NPAS3: variants seen among roughly 807,000 people sequenced by gnomAD.
NPAS3 encodes the protein neuronal PAS domain protein 3.
Under a neutral mutation model 73.1 loss-of-function variants are expected in NPAS3, and 14 were observed. The observed-to-expected ratio is 0.19, with a 90% CI of 0.13 to 0.30. NPAS3 has a LOEUF of 0.30. Among genes scored for constraint, NPAS3 ranks in the 10% least tolerant of loss-of-function variants. The probability of loss-of-function intolerance (pLI) is 1.00; values close to 1 mark genes in which losing one functional copy is unlikely to be tolerated. For synonymous variants in NPAS3, 620 were observed against 541.5 expected (o/e 1.14, Z -2.01); for missense variants, 1,096 against 1,250.0 (o/e 0.88, Z 1.86).
rs375602397 is a variant in NPAS3 at position 33,349,057 on chromosome 14, A to G, written c.386-18129A>G. ...AGGAACCAAACGAGTACAAAAGCTC[A>G]TGGGGGAGTTCTGTTGAGGACGGAG... On this transcript the variant is annotated intron_variant, in intron 3 of 11. Transcript: ENST00000356141. Among the ~76,000 whole-genome samples, 16 of 152,156 alleles carry G rather than the reference A, an allele frequency of 1.1e-4. 1 individual carries two copies. Among genetic ancestry groups the G allele is most frequent in the East Asian group, 7.7e-4 (4 of 5,172 alleles).
chr14:33,485,719 C>G lies in NPAS3; in HGVS notation c.469-74402C>G, dbSNP rs550801656. Among the ~76,000 whole-genome samples, 16 of 152,278 alleles carry G rather than the reference C, an allele frequency of 1.1e-4. No homozygotes were observed. The South Asian group carries it at 3.3e-3, about 32-fold the overall frequency. On this transcript the variant is annotated intron_variant, in intron 4 of 11. Transcript: ENST00000356141. The stretch of plus-strand genomic sequence containing the variant: ...TTTGTCTCACAAAAATGGAAAACTA[C>G]AGAATGTCAGCCAAAAAACCATTCA...
chr14:33,282,461 G>A (rs548156365), intron 3 of NPAS3, among the ~76,000 whole-genome samples: 4 of 152,306 alleles, frequency 2.6e-5, no homozygotes, highest in Non-Finnish European at 4.4e-5. Flanking sequence ...TGAAATTAAG[G>A]GGAATGCAGC....
At chr14:32,952,443 C>T (rs2036520508) in intron 1 of NPAS3, among the ~76,000 whole-genome samples, 1 of 151,848 alleles carries the variant, frequency 6.6e-6, no homozygotes, top group Non-Finnish European at 1.5e-5. Flanking sequence ...TTAAAATGAG[C>T]CTATCAAAAC....
chr14:32,987,849 A>G (rs2038159853), intron 1 of NPAS3, among the ~76,000 whole-genome samples: 1 of 152,192 alleles, frequency 6.6e-6, no homozygotes, highest in South Asian at 2.1e-4. Flanking sequence ...AATTTGGAGC[A>G]TTTCCATGAA....
chr14:33,446,992 C>T (rs1242706498), intron 4 of NPAS3, among the ~76,000 whole-genome samples: 1 of 152,180 alleles, frequency 6.6e-6, no homozygotes. Context: ...TACCAAATAG[C>T]AATATGCACG....
intron 8 of NPAS3, among the ~76,000 whole-genome samples, chr14:33,777,166 G>A (rs2062846306): frequency 6.6e-6 from 1 of 152,176 alleles, no homozygotes; most frequent in African/African-American, 2.4e-5. Flanking sequence ...CAGTGAGGGA[G>A]GGTCTTTTAA....
intron 5 of NPAS3, among the ~76,000 whole-genome samples, chr14:33,644,206 T>C (rs1488207873): frequency 6.6e-6 from 1 of 152,232 alleles, no homozygotes; most frequent in Admixed American, 6.5e-5. Context: ...CCTTTTGCCA[T>C]TGAAAATGTG....
At chr14:33,455,534 A>C (rs2139430136) in intron 4 of NPAS3, among the ~76,000 whole-genome samples, 1 of 152,356 alleles carries the variant, frequency 6.6e-6, no homozygotes, top group Non-Finnish European at 1.5e-5. Flanking sequence ...CCCATGTTTG[A>C]GAAACTACCA....
intron 1 of NPAS3, among the ~76,000 whole-genome samples, chr14:33,027,320 T>C (rs1352931871): frequency 6.6e-6 from 1 of 152,188 alleles, no homozygotes; most frequent in Non-Finnish European, 1.5e-5. Context: ...AAAGACGTGC[T>C]TGGGCTCTGA....
At chr14:33,484,381 G>A (rs943593155) in intron 4 of NPAS3, among the ~76,000 whole-genome samples, 2 of 152,056 alleles carry the variant, frequency 1.3e-5, no homozygotes, top group South Asian at 2.1e-4. Context: ...GTCTTCCTTC[G>A]GAGCATTACT....
intron 3 of NPAS3, among the ~76,000 whole-genome samples, chr14:33,239,615 G>A (rs569222566): frequency 3.0e-4 from 45 of 151,848 alleles, no homozygotes; most frequent in African/African-American, 1.0e-3. Flanking sequence ...CATCTCTTGT[G>A]TGCAAAAAGA....
intron 4 of NPAS3, among the ~76,000 whole-genome samples, chr14:33,521,532 A>G (rs2053555154): frequency 6.8e-6 from 1 of 147,340 alleles, no homozygotes; most frequent in Admixed American, 6.8e-5. Context: ...AAAAAAAAAA[A>G]GGCACATTAG....
At chr14:33,661,193 G>C (rs937279926) in intron 5 of NPAS3, among the ~76,000 whole-genome samples, 3 of 151,360 alleles carry the variant, frequency 2.0e-5, no homozygotes, top group Admixed American at 2.0e-4. Flanking sequence ...ACAGCTAATA[G>C]AAGAAGCTGA....
rs1017137044 is a variant in NPAS3 at position 33,030,468 on chromosome 14, C to T, written c.51-25437C>T. 8.5e-5 allele frequency among the ~76,000 whole-genome samples: 13 copies of T among 152,148 alleles called. No individual in the cohort carries two copies. The East Asian group carries it at 2.1e-3, about 25-fold the overall frequency. On this transcript the variant is annotated intron_variant, in intron 1 of 11. Coordinates refer to ENST00000356141, the Ensembl canonical transcript of NPAS3. ...ATGTTTAAAAATCTCATTTTATTCC[C>T]CAAAGATTTGTTTTTTGCTGTTGCG...
intron 2 of NPAS3, among the ~76,000 whole-genome samples, chr14:33,136,560 A>G (rs1273550601): frequency 6.6e-6 from 1 of 152,212 alleles, no homozygotes; most frequent in Non-Finnish European, 1.5e-5. Context: ...TTTACAACTG[A>G]AGAAACTGAG....
intron 4 of NPAS3, among the ~76,000 whole-genome samples, chr14:33,440,882 A>G (rs2049216653): frequency 6.6e-6 from 1 of 152,100 alleles, no homozygotes; most frequent in Admixed American, 6.5e-5. Flanking sequence ...CAACAAAGTT[A>G]AACTCCATCT....
intron 8 of NPAS3, 76 bp downstream of exon 8, chr14:33,774,606 A>G (rs893158172): frequency 1.2e-5 from 14 of 1,193,226 alleles, no homozygotes; most frequent in Non-Finnish European, 1.6e-5. Context: ...CGTCTGAAGG[A>G]TGGTACTCTC....
intron 4 of NPAS3, among the ~76,000 whole-genome samples, chr14:33,388,598 T>C (rs1411361946): frequency 6.6e-6 from 1 of 152,156 alleles, no homozygotes; most frequent in Non-Finnish European, 1.5e-5. Flanking sequence ...TATTAAGTTA[T>C]AACTTGAGGC....
intron 1 of NPAS3, among the ~76,000 whole-genome samples, chr14:32,948,233 C>T (rs1379333095): frequency 6.6e-6 from 1 of 152,086 alleles, no homozygotes; most frequent in African/African-American, 2.4e-5. Flanking sequence ...CTTCTTTATA[C>T]ATAAATACTT....
Sources: allele counts gnomAD v4.1 joint callset (sites outside exome capture counted in the v4.1 genomes callset), GRCh38; gene constraint gnomAD v4.1.1; transcripts MANE v1.5; gene names NCBI Gene and HGNC (gene_info 2026-07-23, HGNC 2026-07-21).